TRPM3: variants seen among roughly 807,000 people sequenced by gnomAD.
TRPM3 encodes the protein long transient receptor potential channel 3.
Under a neutral mutation model 181.2 loss-of-function variants are expected in TRPM3, and 77 were observed. That is an observed-to-expected ratio of 0.42 (90% CI 0.35 to 0.51). The LOEUF (loss-of-function observed/expected upper bound fraction) is 0.51, where lower values mean the gene tolerates loss of function less well. TRPM3 is among the 20% of genes least tolerant of loss of function. The pLI is 0.01. For synonymous variants in TRPM3, 745 were observed against 796.4 expected (o/e 0.94, Z 1.09); for missense variants, 1,759 against 2,196.7 (o/e 0.80, Z 3.98).
At chr9:71,148,919 G>T (rs181534273) in intron 1 of TRPM3, among the ~76,000 whole-genome samples, 45 of 152,234 alleles carry the variant, frequency 3.0e-4, no homozygotes, top group African/African-American at 1.1e-3. Context: ...AAATGAGGAA[G>T]AAAGTGATGG....
intron 8 of TRPM3, among the ~76,000 whole-genome samples, chr9:70,742,311 A>T (rs1280161906): frequency 1.3e-5 from 2 of 152,096 alleles, no homozygotes; most frequent in South Asian, 2.1e-4. Flanking sequence ...AAATTTTTTT[A>T]AAAATAGATA....
rs552998423 is a variant in TRPM3, at chr9:71,183,072, G to A, written c.183+263581C>T. On this transcript the variant is annotated intron_variant, in intron 1 of 24. Coordinates refer to the TRPM3 transcript ENST00000357533. ...TAAGTAATTTGGTGGTATATAGATAGAACATACCAGACAAGGTAGTAAATA... is the reference window on the plus strand; with the variant it reads ...TAAGTAATTTGGTGGTATATAGATAAAACATACCAGACAAGGTAGTAAATA... 2.0e-4 allele frequency among the ~76,000 whole-genome samples: 31 copies of A among 152,244 alleles called. No homozygotes were observed. The South Asian group carries it at 6.4e-3, about 32-fold the overall frequency.
chr9:70,581,954 CCTTCCTTT>C (rs1445045334), intron 22 of TRPM3, among the ~76,000 whole-genome samples: 6 of 42,398 alleles, frequency 1.4e-4, no homozygotes, highest in Non-Finnish European at 4.1e-4. Context: ...CTTGTCTTCT[CCTTCCTTT>C]CTTCCTTCCT....
chr9:70,859,487 AT>A (rs1704006972), intron 3 of TRPM3, among the ~76,000 whole-genome samples: 1 of 152,228 alleles, frequency 6.6e-6, no homozygotes, highest in African/African-American at 2.4e-5. Context: ...TACTGCTGTT[AT>A]AAACATAAAA....
intron 1 of TRPM3, among the ~76,000 whole-genome samples, chr9:71,016,490 C>CAT (rs1200488029): frequency 6.6e-6 from 1 of 152,106 alleles, no homozygotes; most frequent in Non-Finnish European, 1.5e-5. Flanking sequence ...TGATGATTCT[C>CAT]ATATAAGTGG....
At chr9:70,856,571 G>T (rs1313853606) in intron 3 of TRPM3, among the ~76,000 whole-genome samples, 1 of 152,134 alleles carries the variant, frequency 6.6e-6, no homozygotes, top group Non-Finnish European at 1.5e-5. Flanking sequence ...ATGTCATGCT[G>T]CTGACAGCCT....
chr9:70,916,833 T>C (rs944274413), intron 1 of TRPM3, among the ~76,000 whole-genome samples: 3 of 152,222 alleles, frequency 2.0e-5, no homozygotes, highest in African/African-American at 7.2e-5. Context: ...CTTCACAGTA[T>C]GGTGATACAT....
chr9:71,331,746 AGGAAAAGGGGGAGAAAAAGGAGAAGG>A (rs2090145033), intron 1 of TRPM3, among the ~76,000 whole-genome samples: 2 of 92,300 alleles, frequency 2.2e-5, no homozygotes, highest in Non-Finnish European at 4.4e-5. Context: ...AAGGAGGAGG[AGGAAAAGGGGGAGAAAAAGGAGAAGG>A]GGAAGAGGAG....
At chr9:70,616,372 C>T (rs1260419463) in intron 17 of TRPM3, among the ~76,000 whole-genome samples, 1 of 152,152 alleles carries the variant, frequency 6.6e-6, no homozygotes, top group Non-Finnish European at 1.5e-5. Flanking sequence ...ACCCAATTAA[C>T]ACCCACTTTG....
intron 1 of TRPM3, among the ~76,000 whole-genome samples, chr9:71,412,454 A>G (rs1237403000): frequency 6.6e-6 from 1 of 152,240 alleles, no homozygotes; most frequent in African/African-American, 2.4e-5. Context: ...ATGAACACAC[A>G]CTTCTCAAAA....
Position 70,899,513 on chromosome 9 carries a change from G to A in TRPM3, c.178-35002C>T, listed in dbSNP as rs117034956. ...AAGTCTCCAAACGTTGTGTCATAAC[G>A]GTTTGTGTTGTTTTTTCTTGTGCTG... On this transcript the variant is annotated intron_variant, in intron 1 of 25. Transcript: ENST00000677713. 3.0e-4 allele frequency among the ~76,000 whole-genome samples: 45 copies of A among 152,190 alleles called. 3 individuals are homozygous for A. In the East Asian group the frequency reaches 8.3e-3, roughly 28 times the overall value.
intron 1 of TRPM3, among the ~76,000 whole-genome samples, chr9:71,078,272 G>C (rs1450534008): frequency 6.6e-6 from 1 of 152,078 alleles, no homozygotes; most frequent in Non-Finnish European, 1.5e-5. Flanking sequence ...GGGTATCTTT[G>C]TGCTGATATG....
At chr9:70,997,485 G>A (rs543170493) in intron 1 of TRPM3, among the ~76,000 whole-genome samples, 6 of 152,248 alleles carry the variant, frequency 3.9e-5, no homozygotes, top group East Asian at 3.9e-4. Context: ...TTGAGCCACC[G>A]CGCCCGGCCC....
intron 1 of TRPM3, among the ~76,000 whole-genome samples, chr9:71,173,559 C>T (rs1462302158): frequency 1.3e-5 from 2 of 152,180 alleles, no homozygotes; most frequent in East Asian, 3.9e-4. Flanking sequence ...GCAAGTGCTG[C>T]CACTACATTT....
chr9:70,941,924 T>C (rs1171614204), intron 1 of TRPM3, among the ~76,000 whole-genome samples: 3 of 152,022 alleles, frequency 2.0e-5, no homozygotes, highest in Non-Finnish European at 4.4e-5. Flanking sequence ...AAAAAAAAAT[T>C]AACTTGTCTA....
intron 9 of TRPM3, among the ~76,000 whole-genome samples, chr9:70,673,576 A>G (rs2063390380): frequency 6.6e-6 from 1 of 152,126 alleles, no homozygotes; most frequent in East Asian, 1.9e-4. Flanking sequence ...AATGTCTCAC[A>G]TTTTGACTTT....
chr9:70,977,226 G>A (rs548256395), intron 1 of TRPM3, among the ~76,000 whole-genome samples: 3 of 152,154 alleles, frequency 2.0e-5, no homozygotes, highest in African/African-American at 4.8e-5. Context: ...CCTCCGCCTC[G>A]CGGGTTCAAG....
At chr9:70,631,631 C>A (rs1034725952) in intron 12 of TRPM3, among the ~76,000 whole-genome samples, 2 of 152,170 alleles carry the variant, frequency 1.3e-5, no homozygotes, top group Non-Finnish European at 1.5e-5. Flanking sequence ...TTGGGCCACT[C>A]TGGTTTAATA....
intron 1 of TRPM3, among the ~76,000 whole-genome samples, chr9:71,170,583 A>C (rs2134795645): frequency 6.6e-6 from 1 of 152,334 alleles, no homozygotes; most frequent in African/African-American, 2.4e-5. Flanking sequence ...TTAGTTCCCC[A>C]AATTCTTTTG....
Sources: gnomAD v4.1 joint callset for allele counts (sites outside exome capture counted in the v4.1 genomes callset) on GRCh38, gnomAD v4.1.1 for gene constraint, MANE v1.5 for transcripts, NCBI Gene and HGNC (gene_info 2026-07-23, HGNC 2026-07-21) for gene names.